RBFOX1: variants seen among roughly 807,000 people sequenced by gnomAD.
The protein encoded by RBFOX1 is RNA binding fox-1 homolog 1, also known as RNA binding protein fox-1 homolog 1.
Under a neutral mutation model 57.7 loss-of-function variants are expected in RBFOX1, and 8 were observed. That is an observed-to-expected ratio of 0.14 (90% CI 0.08 to 0.25). The LOEUF (loss-of-function observed/expected upper bound fraction) is 0.25. Ranked by LOEUF, RBFOX1 falls within the 10% of genes least tolerant of loss-of-function variation. The pLI, the probability that RBFOX1 is intolerant of heterozygous loss-of-function variation, is 1.00. For missense variants in RBFOX1, 611 were observed against 548.5 expected (o/e 1.11, Z -1.14); for synonymous variants, 326 against 222.4 (o/e 1.47, Z -4.15).
intron 1 of RBFOX1, among the ~76,000 whole-genome samples, chr16:5,332,832 C>G (rs1284870723): frequency 6.6e-6 from 1 of 151,846 alleles, no homozygotes; most frequent in Non-Finnish European, 1.5e-5. Flanking sequence ...TAGAAATAAA[C>G]CAGCCCTATT....
chr16:7,169,572 G>C (rs1335556710), intron 4 of RBFOX1, among the ~76,000 whole-genome samples: 1 of 152,160 alleles, frequency 6.6e-6, no homozygotes, highest in Non-Finnish European at 1.5e-5. Context: ...ATGATTAATT[G>C]CATCTTCAAC....
At chr16:6,098,668 A>T (rs2152550010) in intron 1 of RBFOX1, among the ~76,000 whole-genome samples, 1 of 152,270 alleles carries the variant, frequency 6.6e-6, no homozygotes, top group East Asian at 1.9e-4. Flanking sequence ...TTATACATTC[A>T]TTTCCACCAA....
At chr16:7,348,291 C>A (rs1045167678) in intron 4 of RBFOX1, among the ~76,000 whole-genome samples, 1 of 152,176 alleles carries the variant, frequency 6.6e-6, no homozygotes, top group Non-Finnish European at 1.5e-5. Flanking sequence ...CATATATTTT[C>A]TTCCCTAAAT....
chr16:6,215,610 C>T (rs778098907), intron 1 of RBFOX1, among the ~76,000 whole-genome samples: 9 of 152,112 alleles, frequency 5.9e-5, no homozygotes, highest in Non-Finnish European at 1.2e-4. Flanking sequence ...TTCTTTTCTT[C>T]TAGATACTTT....
intron 2 of RBFOX1, among the ~76,000 whole-genome samples, chr16:6,645,688 G>C (rs1386696642): frequency 6.6e-6 from 1 of 152,134 alleles, no homozygotes; most frequent in Non-Finnish European, 1.5e-5. Flanking sequence ...ATGTTTTTAA[G>C]TTCTCAATGC....
At chr16:5,862,204 G>C (rs1319688276) in intron 3 of RBFOX1, among the ~76,000 whole-genome samples, 1 of 152,212 alleles carries the variant, frequency 6.6e-6, no homozygotes, top group African/African-American at 2.4e-5. Flanking sequence ...TCATGTGAAT[G>C]ACTAGCAACA....
At chr16:5,633,085 C>G (rs964170545) in intron 3 of RBFOX1, among the ~76,000 whole-genome samples, 8 of 151,906 alleles carry the variant, frequency 5.3e-5, no homozygotes, top group Non-Finnish European at 1.0e-4. Flanking sequence ...ACTGTAGGCA[C>G]CAGTCACCAT....
At chr16:7,259,812 C>T (rs114687087) in intron 4 of RBFOX1, among the ~76,000 whole-genome samples, 1 of 151,850 alleles carries the variant, frequency 6.6e-6, no homozygotes, top group South Asian at 2.1e-4. Flanking sequence ...TACCTTTTCT[C>T]CAGAAAGGAT....
chr16:6,445,769 G>A (rs1436582696), intron 2 of RBFOX1, among the ~76,000 whole-genome samples: 3 of 151,894 alleles, frequency 2.0e-5, no homozygotes, highest in South Asian at 2.1e-4. Flanking sequence ...TTTTAGTTGC[G>A]ACAGGGTTTC....
chr16:7,485,329 T>C (rs934222257), intron 4 of RBFOX1, among the ~76,000 whole-genome samples: 2 of 152,264 alleles, frequency 1.3e-5, no homozygotes, highest in Non-Finnish European at 2.9e-5. Flanking sequence ...TGCCTTGCTA[T>C]GCGCTGTTGC....
At chr16:6,395,614 A>G (rs547221288) in intron 2 of RBFOX1, among the ~76,000 whole-genome samples, 54 of 152,188 alleles carry the variant, frequency 3.5e-4, no homozygotes, top group African/African-American at 1.3e-3. Flanking sequence ...CTACAGATTC[A>G]TAACATTTGG....
At chr16:5,735,622 C>G (rs2052543178) in intron 3 of RBFOX1, among the ~76,000 whole-genome samples, 3 of 152,106 alleles carry the variant, frequency 2.0e-5, no homozygotes, top group Non-Finnish European at 4.4e-5. Context: ...ATGGGCCGGG[C>G]CCAGTGGTTC....
chr16:5,710,618 G>C (rs1371502778), intron 3 of RBFOX1, among the ~76,000 whole-genome samples: 1 of 152,200 alleles, frequency 6.6e-6, no homozygotes, highest in African/African-American at 2.4e-5. Flanking sequence ...GTTGGGGAGG[G>C]TTGGTGCACA....
intron 4 of RBFOX1, among the ~76,000 whole-genome samples, chr16:7,494,788 C>A (rs1002932913): frequency 4.0e-5 from 6 of 149,538 alleles, no homozygotes; most frequent in South Asian, 2.1e-4. Context: ...TTTCTCCTTC[C>A]CAAATGCTTG....
At chr16:5,717,568 C>T (rs1464943391) in intron 3 of RBFOX1, among the ~76,000 whole-genome samples, 2 of 152,256 alleles carry the variant, frequency 1.3e-5, no homozygotes, top group East Asian at 1.9e-4. Context: ...ATCCTCATAG[C>T]TTAGCTCCCA....
At chr16:7,363,859 G>T (rs1324525070) in intron 4 of RBFOX1, among the ~76,000 whole-genome samples, 2 of 152,130 alleles carry the variant, frequency 1.3e-5, no homozygotes, top group African/African-American at 4.8e-5. Flanking sequence ...TGGAGGGGGA[G>T]GGACGGGGCT....
chr16:7,115,607 C>T (rs1050461508), intron 4 of RBFOX1, among the ~76,000 whole-genome samples: 1 of 152,170 alleles, frequency 6.6e-6, no homozygotes, highest in Non-Finnish European at 1.5e-5. Context: ...AGATTTACCT[C>T]TGGAAAGGTG....
intron 1 of RBFOX1, among the ~76,000 whole-genome samples, chr16:5,462,377 C>T (rs2068818896): frequency 6.6e-6 from 1 of 151,906 alleles, no homozygotes; most frequent in Non-Finnish European, 1.5e-5. Context: ...ACCGTGTTGG[C>T]CAGGCTGGTC....
intron 3 of RBFOX1, among the ~76,000 whole-genome samples, chr16:6,828,720 G>A (rs763633126): frequency 6.6e-6 from 1 of 152,024 alleles, no homozygotes; most frequent in Non-Finnish European, 1.5e-5. Context: ...ATGTTAATGA[G>A]TGACTTACCA....
Sources: allele counts gnomAD v4.1 joint callset (sites outside exome capture counted in the v4.1 genomes callset), GRCh38; gene constraint gnomAD v4.1.1; transcripts MANE v1.5; gene names NCBI Gene and HGNC (gene_info 2026-07-23, HGNC 2026-07-21).